LAMA1: variants seen among roughly 807,000 people sequenced by gnomAD.
LAMA1 encodes the protein laminin subunit alpha-1.
LAMA1 carries 219 observed loss-of-function variants against 348.7 expected under a neutral mutation model. The observed-to-expected ratio is 0.63, with a 90% CI of 0.56 to 0.70. LAMA1 has a LOEUF of 0.70. LAMA1 is among the 30% of genes least tolerant of loss of function. The pLI is 0.00. For synonymous variants in LAMA1, 1,487 were observed against 1,491.0 expected (o/e 1.00, Z 0.06); for missense variants, 3,744 against 3,888.0 (o/e 0.96, Z 0.99).
At position 6,995,305 on chromosome 18, in the gene LAMA1, G is replaced by A. The variant is rs2057776174; in HGVS notation, c.4896+52C>T. 2.4e-6 allele frequency: 3 copies of A among 1,232,966 alleles called. No homozygotes were observed. In the Admixed American group the frequency reaches 5.0e-5, roughly 21 times the overall value. 76.4% of individuals were successfully genotyped at this position (1,232,966 alleles called of 1,614,324 possible). A position where few individuals can be genotyped will look rare whatever the true frequency, so the allele number is the denominator to read the frequency against. On this transcript the variant is annotated intron_variant, in intron 34 of 62. Coordinates refer to ENST00000389658, the MANE Select transcript of LAMA1 (RefSeq NM_005559.4). The stretch of plus-strand genomic sequence containing the variant: ...CAGCCCCAAGGCAACTGCTCAGGAG[G>A]GCTGATGGGAGGGACCAGGAGGAAG...
At chr18:6,942,535 T>G (rs1321736344) in intron 62 of LAMA1, among the ~76,000 whole-genome samples, 2 of 151,872 alleles carry the variant, frequency 1.3e-5, no homozygotes, top group African/African-American at 4.8e-5. Context: ...TGTCTCAGCC[T>G]CCCGAGTAGC....
At chr18:7,081,136 A>G (rs1389999238) in intron 1 of LAMA1, among the ~76,000 whole-genome samples, 1 of 152,192 alleles carries the variant, frequency 6.6e-6, no homozygotes, top group African/African-American at 2.4e-5. Flanking sequence ...AGCCTGGACA[A>G]TAGAGCGAGA....
chr18:7,091,595 C>T (rs2058239921), intron 1 of LAMA1, among the ~76,000 whole-genome samples: 1 of 152,180 alleles, frequency 6.6e-6, no homozygotes. Context: ...ATTTTACTTG[C>T]TTATGCTTTA....
intron 16 of LAMA1, among the ~76,000 whole-genome samples, chr18:7,026,475 C>G (rs558760134): frequency 6.6e-6 from 1 of 152,132 alleles, no homozygotes; most frequent in South Asian, 2.1e-4. Flanking sequence ...CCGCCTCCAA[C>G]TGTTTTTTAG....
chr18:7,023,013 T>C, intron 19 of LAMA1, 151 bp downstream of exon 19: 1 of 820,990 alleles, frequency 1.2e-6, no homozygotes, highest in Non-Finnish European at 1.9e-6. Flanking sequence ...GTCGTGGGTC[T>C]GTATTTGATC....
intron 61 of LAMA1, among the ~76,000 whole-genome samples, chr18:6,946,346 T>G (rs2057521358): frequency 6.6e-6 from 1 of 152,126 alleles, no homozygotes; most frequent in African/African-American, 2.4e-5. Flanking sequence ...AGATTAGTGG[T>G]TGCCTAGGAT....
chr18:7,036,618 C>T (rs982668554), intron 12 of LAMA1, among the ~76,000 whole-genome samples: 1 of 151,784 alleles, frequency 6.6e-6, no homozygotes, highest in Admixed American at 6.6e-5. Flanking sequence ...CAACTTTGCA[C>T]CATAAAATTG....
rs753072320 is a variant in LAMA1, at chr18:7,037,624, G to T, written c.1691C>A (p.Ala564Asp). 207 of 1,614,006 alleles carry T rather than the reference G, an allele frequency of 1.3e-4. 1 individual carries two copies. Among genetic ancestry groups the T allele is most frequent in the Non-Finnish European group, 1.6e-4 (194 of 1,180,036 alleles). ...INNTAVMQRL[A>D]PKYYWAAPEA... ...GGGGGCTGCCCAGTAGTACTTGGGAGCCAGTCTCTGCATGACCGCGGTGTT... is the reference window on the plus strand; with the variant it reads ...GGGGGCTGCCCAGTAGTACTTGGGATCCAGTCTCTGCATGACCGCGGTGTT... The change falls in exon 12 of 63, where the codon GCT (alanine) becomes GAT (aspartate). Residue 564 changes from alanine to aspartate, a missense_variant. Around this residue, in one of 3 missense-constraint regions of LAMA1, gnomAD observed 1,529 missense variants for 1,689.4 expected, o/e 0.91. Coordinates refer to ENST00000389658, the MANE Select transcript of LAMA1 (RefSeq NM_005559.4).
chr18:7,028,299 A>G (rs925110681), intron 16 of LAMA1, among the ~76,000 whole-genome samples: 1 of 152,230 alleles, frequency 6.6e-6, no homozygotes, highest in African/African-American at 2.4e-5. Context: ...AAATTCTAGA[A>G]GCTCAATAAA....
At position 7,010,321 on chromosome 18, in the gene LAMA1, G is replaced by A. The variant is rs748310922; in HGVS notation, c.3752C>T (p.Thr1251Ile). The A allele has an allele frequency of 4.3e-6, 7 of 1,614,134 alleles. No individual in the cohort carries two copies. In the East Asian group the frequency reaches 6.7e-5, roughly 15 times the overall value. ...VAFYSLDGVG[T>I]SNFEPQVLIK... ...GAGAACTTGAGGCTCAAAATTGGAG[G>A]TGCCGACGCCATCCAAAGAATAGAA... Residue 1251 changes from threonine to isoleucine, a missense_variant, in exon 26 of 63, where the codon ACC becomes ATC. Physicochemically the swap from Thr to Ile is moderately conservative, Grantham distance 89. Coordinates refer to ENST00000389658, the MANE Select transcript of LAMA1 (RefSeq NM_005559.4).
chr18:6,982,664 T>C lies in LAMA1; in HGVS notation c.5797-74A>G, dbSNP rs1050147202. On this transcript the variant is annotated intron_variant, in intron 40 of 62. Transcript: ENST00000389658. ...TCCTGCTGGGGACAGAGGAAGTGAC[T>C]CCATCAGAGTAGCCCCCAGACACAT... 19 of 1,191,378 alleles carry C rather than the reference T, an allele frequency of 1.6e-5. No individual in the cohort carries two copies. In the Admixed American group the frequency reaches 1.7e-4, roughly 11 times the overall value. The allele number at this position is 1,191,378 out of a possible 1,614,324, so 73.8% of individuals were successfully genotyped here. A position where few individuals can be genotyped will look rare whatever the true frequency, so the allele number is the denominator to read the frequency against.
intron 1 of LAMA1, among the ~76,000 whole-genome samples, chr18:7,117,061 C>T (rs2058359932): frequency 6.6e-6 from 1 of 152,160 alleles, no homozygotes; most frequent in Non-Finnish European, 1.5e-5. Flanking sequence ...CCCTGGACGC[C>T]GCCTGCGGGT....
At chr18:7,092,852 G>C (rs2058244962) in intron 1 of LAMA1, among the ~76,000 whole-genome samples, 1 of 152,046 alleles carries the variant, frequency 6.6e-6, no homozygotes, top group South Asian at 2.1e-4. Flanking sequence ...TTTCCCTCAA[G>C]CAACTTCTCA....
rs543519557 is a variant in LAMA1 at position 6,986,126 on chromosome 18, G to A, written c.5379+11C>T. 6.2e-7 allele frequency: 1 copy of A among 1,613,888 alleles called. No homozygotes were observed. Among genetic ancestry groups the A allele is most frequent in the African/African-American group, 1.3e-5 (1 of 75,042 alleles). On this transcript the variant is annotated intron_variant, in intron 37 of 62. Transcript: ENST00000389658. ...GTTCTAATTGAGAAGGAGAGAGCAA[G>A]TGAGACTCACACTGAATTCTCTCAG...
intron 1 of LAMA1, among the ~76,000 whole-genome samples, chr18:7,115,636 T>A (rs975824285): frequency 3.3e-5 from 5 of 151,084 alleles, no homozygotes; most frequent in East Asian, 3.9e-4. Flanking sequence ...TTACAAATCA[T>A]TCATGCTATT....
chr18:7,040,321 C>G, intron 9 of LAMA1, 85 bp from the exon 10 acceptor site: 2 of 1,386,976 alleles, frequency 1.4e-6, no homozygotes, highest in South Asian at 2.3e-5. Context: ...TGTAAAGGGT[C>G]AGAGGGTATC....
chr18:6,972,844 C>T (rs577564400), intron 47 of LAMA1, among the ~76,000 whole-genome samples: 5 of 152,300 alleles, frequency 3.3e-5, no homozygotes, highest in African/African-American at 7.2e-5. Context: ...GCATGTGCCA[C>T]CACACCCGGC....
intron 1 of LAMA1, among the ~76,000 whole-genome samples, chr18:7,096,118 G>A (rs2058260300): frequency 1.3e-5 from 2 of 152,218 alleles, no homozygotes; most frequent in Non-Finnish European, 2.9e-5. Flanking sequence ...ATATGTGTGT[G>A]TGAGAGACAC....
Position 7,080,330 on chromosome 18 carries a change from G to C in LAMA1, c.189C>G (p.Asn63Lys). The change falls in exon 2 of 63, where the codon AAC becomes AAG. Residue 63 changes from asparagine to lysine, a missense_variant. Physicochemically the swap from Asn to Lys is moderately conservative, Grantham distance 94 (BLOSUM62 0). This residue lies in a region of LAMA1 where 1,529 missense variants were observed against 1,689.4 expected (regional missense o/e 0.91). Transcript: ENST00000389658. ...TGCCATCACAGATCCGGCACTGTGG[G>C]TTTCGGACGGGCCGACCTGGCACAT... ...VEHVPGRPVRNPQCRICDGNS... is the reference protein window; with the variant it reads ...VEHVPGRPVRKPQCRICDGNS... 6.2e-7 allele frequency: 1 copy of C among 1,614,250 alleles called. No homozygotes were observed. Among genetic ancestry groups the C allele is most frequent in the Non-Finnish European group, 8.5e-7 (1 of 1,180,058 alleles).
Sources: gnomAD v4.1 joint callset for allele counts (sites outside exome capture counted in the v4.1 genomes callset) on GRCh38, gnomAD v4.1.1 for gene constraint, gnomAD v4.1.1 regional missense constraint, MANE v1.5 for transcripts, NCBI Gene and HGNC (gene_info 2026-07-23, HGNC 2026-07-21) for gene names.